The following LRPPRC variants were observed in gnomAD, a reference collection of about 807,000 sequenced individuals.
LRPPRC encodes the protein leucine rich pentatricopeptide repeat containing.
A neutral mutation model predicts 180.3 loss-of-function variants in LRPPRC; 120 were observed. The observed-to-expected ratio is 0.67, with a 90% CI of 0.57 to 0.77. The LOEUF is 0.77. Ranked by LOEUF, LRPPRC falls within the 30% of genes least tolerant of loss-of-function variation. The probability of loss-of-function intolerance (pLI) is 0.00; values close to 1 mark genes in which losing one functional copy is unlikely to be tolerated. For missense variants in LRPPRC, 2,012 were observed against 1,657.2 expected (o/e 1.21, Z -3.72); for synonymous variants, 723 against 600.0 (o/e 1.21, Z -3.00).
At chr2:43,892,396 G>A (rs942715980) in intron 36 of LRPPRC, among the ~76,000 whole-genome samples, 1 of 152,126 alleles carries the variant, frequency 6.6e-6, no homozygotes, top group African/African-American at 2.4e-5. Context: ...TAAGAATTAC[G>A]CTAAATTTAT....
At chr2:43,926,371 T>C (rs1334755310) in intron 25 of LRPPRC, among the ~76,000 whole-genome samples, 1 of 152,188 alleles carries the variant, frequency 6.6e-6, no homozygotes, top group African/African-American at 2.4e-5. Context: ...TGTGTCAACA[T>C]TCACATGCAT....
intron 14 of LRPPRC, among the ~76,000 whole-genome samples, chr2:43,956,659 G>A (rs778595988): frequency 1.3e-5 from 2 of 152,134 alleles, no homozygotes; most frequent in African/African-American, 4.8e-5. Flanking sequence ...GGAGGCCGAG[G>A]CAGGTGAATC....
intron 31 of LRPPRC, chr2:43,903,605 AG>A (rs1670964223): frequency 6.6e-6 from 1 of 152,538 alleles, no homozygotes; most frequent in African/African-American, 2.4e-5. Flanking sequence ...GAGGTAGTGC[AG>A]GAACAGTGCG....
chr2:43,912,419 G>T lies in LRPPRC; in HGVS notation c.3275+13C>A. On this transcript the variant is annotated intron_variant, in intron 30 of 37. Coordinates refer to ENST00000260665, the MANE Select transcript of LRPPRC (RefSeq NM_133259.4). The stretch of plus-strand genomic sequence containing the variant: ...TTTTAAACAAGAGGTTTAATAAATG[G>T]ACTAACACTTACAATGCTTTCACTT... The T allele has an allele frequency of 1.2e-6, 2 of 1,606,466 alleles. No individual in the cohort carries two copies. The highest frequency in any genetic ancestry group is 8.5e-7 in the Non-Finnish European group (1 of 1,173,578).
At chr2:43,959,433 G>A (rs1428078625) in intron 13 of LRPPRC, among the ~76,000 whole-genome samples, 1 of 152,106 alleles carries the variant, frequency 6.6e-6, no homozygotes, top group African/African-American at 2.4e-5. Context: ...CACCCATACA[G>A]TTTGAATATA....
chr2:43,974,410 C>G lies in LRPPRC; in HGVS notation c.1010-115G>C, dbSNP rs1301369991. 2.0e-5 allele frequency: 17 copies of G among 866,896 alleles called. No individual in the cohort carries two copies. The South Asian group carries it at 2.4e-4, about 12-fold the overall frequency. The allele number at this position is 866,896 out of a possible 1,614,324, so 53.7% of individuals were successfully genotyped here. ...AATTGCAAACATCAAAAGCATATAA[C>G]TGCCTAAATAACAATAAAACACCTG... On this transcript the variant is annotated intron_variant, in intron 8 of 37. Coordinates refer to ENST00000260665, the MANE Select transcript of LRPPRC (RefSeq NM_133259.4).
intron 11 of LRPPRC, among the ~76,000 whole-genome samples, chr2:43,970,212 A>G (rs1344241330): frequency 2.0e-5 from 3 of 152,230 alleles, no homozygotes; most frequent in Non-Finnish European, 4.4e-5. Flanking sequence ...AGTAACATTT[A>G]TCAGAAGGAG....
At chr2:43,992,943 A>G (rs1265233614) in intron 1 of LRPPRC, among the ~76,000 whole-genome samples, 2 of 152,218 alleles carry the variant, frequency 1.3e-5, no homozygotes, top group Non-Finnish European at 2.9e-5. Flanking sequence ...AAAGGTCACA[A>G]AAGAGAATGA....
At chr2:43,970,389 G>A (rs1321723842) in intron 11 of LRPPRC, among the ~76,000 whole-genome samples, 1 of 152,214 alleles carries the variant, frequency 6.6e-6, no homozygotes, top group Non-Finnish European at 1.5e-5. Flanking sequence ...ATTCTGTTCA[G>A]TAACTATAGT....
chr2:43,901,561 G>C (rs376340577), intron 31 of LRPPRC, 37 bp from the exon 32 acceptor site: 6 of 1,310,336 alleles, frequency 4.6e-6, no homozygotes, highest in Non-Finnish European at 6.6e-6. Context: ...TTTCTTATAT[G>C]ACCTGTGCTG....
In LRPPRC at chr2:43,887,639, C is replaced by A. The variant is rs1033730223; in HGVS notation, c.*961G>T. On this transcript the variant is annotated 3_prime_UTR_variant, in exon 38 of 38. Coordinates refer to ENST00000260665, the MANE Select transcript of LRPPRC (RefSeq NM_133259.4). ...CCTCATCTCCAGTTAGGTCAATATT[C>A]CATATTATTAAGACACCTTTTATAA... 3.3e-5 allele frequency: 5 copies of A among 152,256 alleles called. No individual in the cohort carries two copies. Among genetic ancestry groups the A allele is most frequent in the Admixed American group, 2.6e-4 (4 of 15,292 alleles). The allele number at this position is 152,256 out of a possible 1,614,324, so 9.4% of individuals were successfully genotyped here.
chr2:43,891,064 G>C (rs1337277214), intron 36 of LRPPRC, among the ~76,000 whole-genome samples: 3 of 152,200 alleles, frequency 2.0e-5, no homozygotes, highest in Admixed American at 2.0e-4. Flanking sequence ...TGGAATGAGG[G>C]TGACTCATCA....
In LRPPRC at chr2:43,889,813, T is replaced by C; in HGVS notation, c.4049A>G (p.Lys1350Arg). Residue 1350 changes from lysine to arginine, a missense_variant, in exon 37 of 38, where the codon AAA (lysine) becomes AGA (arginine). Transcript: ENST00000260665. ...ACGCTTTAGAAACAGATCATCCAAT[T>C]TTGTATTCTTTGCAGTCAAATGTTC... ...LYEHLTAKNT[K>R]LDDLFLKRYA... 1 of 1,610,380 alleles carries C rather than the reference T, an allele frequency of 6.2e-7. No homozygotes were observed. The highest frequency in any genetic ancestry group is 8.5e-7 in the Non-Finnish European group (1 of 1,176,550).
chr2:43,937,801 T>C (rs1026512539), intron 23 of LRPPRC, among the ~76,000 whole-genome samples: 14 of 152,132 alleles, frequency 9.2e-5, no homozygotes, highest in Admixed American at 7.2e-4. Context: ...AATACCACTT[T>C]TATTAGGCAG....
intron 37 of LRPPRC, 83 bp from the exon 38 acceptor site, chr2:43,888,739 CA>C: frequency 1.3e-6 from 1 of 770,786 alleles, no homozygotes; most frequent in Non-Finnish European, 2.3e-6. Context: ...AAAACACTAC[CA>C]ACTGGTAGCT....
chr2:43,980,468 G>A (rs1432146888), intron 2 of LRPPRC, among the ~76,000 whole-genome samples: 1 of 149,946 alleles, frequency 6.7e-6, no homozygotes, highest in Non-Finnish European at 1.5e-5. Flanking sequence ...CAGGAGAACT[G>A]CTTGAACCCA....
chr2:43,921,464 C>A (rs1572922241), intron 27 of LRPPRC, among the ~76,000 whole-genome samples: 1 of 151,516 alleles, frequency 6.6e-6, no homozygotes, highest in Non-Finnish European at 1.5e-5. Context: ...TTAAGTAAAA[C>A]AAAAAGAAGC....
In LRPPRC at chr2:43,977,067, G is replaced by T; in HGVS notation, c.592-15C>A. On this transcript the variant is annotated splice_polypyrimidine_tract_variant and intron_variant, in intron 4 of 37. Transcript: ENST00000260665. ...TGGTATGTCACCTGTCAATGAAATG[G>T]GCCAGTTAATTTTAAATATACTTTT... The T allele has an allele frequency of 6.2e-7, 1 of 1,611,884 alleles. No individual in the cohort carries two copies. The highest frequency in any genetic ancestry group is 1.3e-5 in the African/African-American group (1 of 74,894).
At chr2:43,939,511 C>T (rs1002983020) in intron 23 of LRPPRC, among the ~76,000 whole-genome samples, 1 of 152,010 alleles carries the variant, frequency 6.6e-6, no homozygotes, top group East Asian at 1.9e-4. Flanking sequence ...AACAAACAAA[C>T]AAAAACCAAA....
Sources: allele counts gnomAD v4.1 joint callset (sites outside exome capture counted in the v4.1 genomes callset), GRCh38; gene constraint gnomAD v4.1.1; transcripts MANE v1.5; gene names NCBI Gene and HGNC (gene_info 2026-07-23, HGNC 2026-07-21).